The following DENND3 variants were observed in gnomAD, a reference collection of about 807,000 sequenced individuals.
The protein encoded by DENND3 is DENN domain-containing protein 3.
In DENND3, 88 loss-of-function variants were observed where a neutral mutation model predicts 135.1. That is an observed-to-expected ratio of 0.65 (90% CI 0.55 to 0.78). DENND3 has a LOEUF of 0.78. DENND3 is among the 30% of genes least tolerant of loss of function. The pLI, the probability that DENND3 is intolerant of heterozygous loss-of-function variation, is 0.00. For synonymous variants in DENND3, 693 were observed against 712.3 expected, an observed-to-expected ratio of 0.97 and a Z score of 0.43; for missense variants, 1,392 against 1,688.4, an observed-to-expected ratio of 0.82 and a Z score of 3.08.
intron 6 of DENND3, 52 bp from the exon 7 acceptor site, chr8:141,151,567 A>T: frequency 7.7e-7 from 1 of 1,305,254 alleles, no homozygotes. Flanking sequence ...CCCTGTCTGT[A>T]TTTTTTTTTT....
rs891589361 is a variant in DENND3, at chr8:141,174,775, C to T, written c.2276-425C>T. On this transcript the variant is annotated intron_variant, in intron 13 of 22. Transcript: ENST00000519811. This position sits in a 1 kb window ranked among gnomAD's most constrained non-coding sequence, Gnocchi z 4.6. The stretch of plus-strand genomic sequence containing the variant: ...GGCGCTAAGGATCCAACCTTCCCGG[C>T]GTTAGCTTCATCCTAGGACTAGCTC... Among the ~76,000 whole-genome samples the T allele has an allele frequency of 2.0e-5, 3 of 152,206 alleles. No individual in the cohort carries two copies. The highest frequency in any genetic ancestry group is 2.1e-4 in the South Asian group (1 of 4,830).
chr8:141,180,278 G>A (rs995158141), intron 16 of DENND3, among the ~76,000 whole-genome samples: 1 of 152,222 alleles, frequency 6.6e-6, no homozygotes. Context: ...GGATTATCCA[G>A]CCCAACACGC....
intron 17 of DENND3, among the ~76,000 whole-genome samples, chr8:141,183,318 T>C (rs1823421872): frequency 6.6e-6 from 1 of 152,160 alleles, no homozygotes. Flanking sequence ...CGATCACACC[T>C]CACTGCAACC....
At chr8:141,132,343 A>G (rs1004409359) in intron 1 of DENND3, among the ~76,000 whole-genome samples, 2 of 151,950 alleles carry the variant, frequency 1.3e-5, no homozygotes, top group Non-Finnish European at 2.9e-5. Flanking sequence ...TAGCTCCTTT[A>G]TTATTTCTAT....
rs1032636263 is a variant in DENND3 at position 141,136,574 on chromosome 8, C to T, written c.168C>T (p.Phe56=). The T allele has an allele frequency of 2.2e-5, 34 of 1,571,860 alleles. No individual in the cohort carries two copies. The East Asian group carries it at 2.8e-4, about 13-fold the overall frequency. Residue 56 remains phenylalanine, a synonymous_variant, in exon 2 of 23, where the codon TTC becomes TTT. Transcript: ENST00000519811. ...ALLDPEVLSI[F]VPPFISKEDS... is the part of the protein sequence containing the mutation. Reference sequence around the variant, plus strand: ...TTGATCCAGAGGTCCTGTCCATTTTCGTGCCTCCTTTTATCAGTAAAGAGG... The same window carrying T: ...TTGATCCAGAGGTCCTGTCCATTTTTGTGCCTCCTTTTATCAGTAAAGAGG...
At chr8:141,129,632 T>C (rs1183564144) in intron 1 of DENND3, 1 of 152,248 alleles carries the variant, frequency 6.6e-6, no homozygotes, top group East Asian at 1.9e-4. Flanking sequence ...GACTGGGTCA[T>C]GTTACCTAGA....
rs370604383 is a variant in DENND3, at chr8:141,178,051, C to G, written c.2707-16C>G. On this transcript the variant is annotated splice_polypyrimidine_tract_variant and intron_variant, in intron 15 of 22. Coordinates refer to ENST00000519811, the MANE Select transcript of DENND3 (RefSeq NM_001352890.3). Reference sequence around the variant, plus strand: ...GTGATTCTTGCTGTTTTGAAACGCACGTGTTTCTGTTGTAGGACCCTCACT... The same window carrying G: ...GTGATTCTTGCTGTTTTGAAACGCAGGTGTTTCTGTTGTAGGACCCTCACT... The G allele has an allele frequency of 6.3e-7, 1 of 1,590,760 alleles. No homozygotes were observed. Among genetic ancestry groups the G allele is most frequent in the Non-Finnish European group, 8.6e-7 (1 of 1,162,788 alleles).
intron 8 of DENND3, among the ~76,000 whole-genome samples, chr8:141,156,919 G>A (rs560136892): frequency 6.6e-6 from 1 of 151,222 alleles, no homozygotes; most frequent in African/African-American, 2.4e-5. Flanking sequence ...AGCCTCCCGA[G>A]TAGCTGGGAT....
At chr8:141,165,442 T>C (rs1180870018) in intron 11 of DENND3, among the ~76,000 whole-genome samples, 153 bp downstream of exon 11, 2 of 151,978 alleles carry the variant, frequency 1.3e-5, no homozygotes, top group Non-Finnish European at 2.9e-5. Flanking sequence ...AGGAAGCTCT[T>C]CTCTCCATGT....
At chr8:141,179,625 T>C (rs1443672448) in intron 16 of DENND3, among the ~76,000 whole-genome samples, 2 of 152,224 alleles carry the variant, frequency 1.3e-5, no homozygotes, top group African/African-American at 4.8e-5. Context: ...GAAGATGTCA[T>C]AGTCCGAGGC....
At chr8:141,131,999 G>A (rs191989233) in intron 1 of DENND3, among the ~76,000 whole-genome samples, 38 of 152,154 alleles carry the variant, frequency 2.5e-4, no homozygotes, top group Admixed American at 1.4e-3. Flanking sequence ...AACTGGGTGC[G>A]TGCAAGTGTG....
At chr8:141,156,791 C>CTTTTTT (rs34035594) in intron 8 of DENND3, among the ~76,000 whole-genome samples, 3 of 123,190 alleles carry the variant, frequency 2.4e-5, no homozygotes, top group Admixed American at 8.7e-5. Context: ...TTTTTCTTTC[C>CTTTTTT]TTTTTTTTTT....
rs1371446701 is a variant in DENND3 at position 141,166,012 on chromosome 8, G to T, written c.1554-178G>T. 6.6e-6 allele frequency among the ~76,000 whole-genome samples: 1 copy of T among 151,992 alleles called. No homozygotes were observed. The highest frequency in any genetic ancestry group is 1.5e-5 in the Non-Finnish European group (1 of 68,010). On this transcript the variant is annotated intron_variant, in intron 11 of 22. Transcript: ENST00000519811. The surrounding 1 kb of genome is among the most constrained non-coding windows in gnomAD (Gnocchi z 4.3). Reference sequence around the variant, plus strand: ...CTGGTTTCTTCTGGGCTTGTGTCTGGGTCCCCCTGAGGCTGCACTTGGTGA... The same window carrying T: ...CTGGTTTCTTCTGGGCTTGTGTCTGTGTCCCCCTGAGGCTGCACTTGGTGA...
intron 7 of DENND3, among the ~76,000 whole-genome samples, chr8:141,155,482 C>T (rs556823096): frequency 5.9e-5 from 9 of 152,180 alleles, no homozygotes; most frequent in East Asian, 3.9e-4. Context: ...CGGCTCACTG[C>T]GGCCTCAACC....
Position 141,138,858 on chromosome 8 carries a change from C to T in DENND3, c.501+721C>T, listed in dbSNP as rs1158167572. ...CCTTTTATGGCGAGTGACATTCCAT[C>T]GTTTGGATGGACCACATTTTATTTC... On this transcript the variant is annotated intron_variant, in intron 3 of 22. Coordinates refer to ENST00000519811, the MANE Select transcript of DENND3 (RefSeq NM_001352890.3). This position sits in a 1 kb window ranked among gnomAD's most constrained non-coding sequence, Gnocchi z 4.8. 1.3e-5 allele frequency among the ~76,000 whole-genome samples: 2 copies of T among 152,204 alleles called. No homozygotes were observed. Among genetic ancestry groups the T allele is most frequent in the Non-Finnish European group, 2.9e-5 (2 of 68,040 alleles).
intron 19 of DENND3, among the ~76,000 whole-genome samples, chr8:141,190,026 CCCG>C (rs1454693402): frequency 6.6e-6 from 1 of 152,204 alleles, no homozygotes; most frequent in Non-Finnish European, 1.5e-5. Flanking sequence ...TCCCGAGAAA[CCCG>C]CCTTTTCCTG....
chr8:141,135,420 G>A (rs558005382), intron 1 of DENND3, among the ~76,000 whole-genome samples: 4 of 152,280 alleles, frequency 2.6e-5, no homozygotes, highest in African/African-American at 9.6e-5. Context: ...CCAAAGTGCT[G>A]GGATCACAGG....
In DENND3 at chr8:141,190,280, C is replaced by T; in HGVS notation, c.3246-4C>T. The T allele has an allele frequency of 6.3e-7, 1 of 1,584,818 alleles. No homozygotes were observed. The highest frequency in any genetic ancestry group is 8.6e-7 in the Non-Finnish European group (1 of 1,163,352). ...AGGTGTGTGTGTGTGTTTTGTGCCC[C>T]CAGCAACGTGTACTCGTGCAGCATG... On this transcript the variant is annotated splice_polypyrimidine_tract_variant and splice_region_variant and intron_variant, in intron 19 of 22. Transcript: ENST00000519811.
intron 20 of DENND3, 158 bp downstream of exon 20, chr8:141,190,575 C>CCA: frequency 1.8e-6 from 2 of 1,137,842 alleles, no homozygotes; most frequent in Non-Finnish European, 2.4e-6. Context: ...AACCTTTACT[C>CCA]CACCTGCACT....
Sources: allele counts gnomAD v4.1 joint callset (sites outside exome capture counted in the v4.1 genomes callset), GRCh38; gene constraint gnomAD v4.1.1; non-coding constraint Gnocchi (gnomAD v3.1); transcripts MANE v1.5; gene names NCBI Gene and HGNC (gene_info 2026-07-23, HGNC 2026-07-21).